The following GALK2 variants were observed in gnomAD, a reference collection of about 807,000 sequenced individuals.
GALK2 encodes N-acetylgalactosamine kinase.
Under a neutral mutation model 52.4 loss-of-function variants are expected in GALK2, and 36 were observed. That is an observed-to-expected ratio of 0.69 (90% CI 0.53 to 0.91). The LOEUF is 0.91. GALK2 is among the 40% of genes least tolerant of loss of function. GALK2 has a pLI of 0.00. For synonymous variants in GALK2, 176 were observed against 199.1 expected (o/e 0.88, Z 0.98); for missense variants, 579 against 559.1 (o/e 1.04, Z -0.36).
chr15:49,256,185 A>T (rs942839773), intron 5 of GALK2, among the ~76,000 whole-genome samples: 1 of 152,116 alleles, frequency 6.6e-6, no homozygotes, highest in Non-Finnish European at 1.5e-5. Context: ...TGTGTCTGTA[A>T]TTATTGTAAT....
intron 7 of GALK2, among the ~76,000 whole-genome samples, chr15:49,285,563 C>T (rs2033254971): frequency 1.3e-5 from 2 of 152,176 alleles, no homozygotes; most frequent in Non-Finnish European, 2.9e-5. Context: ...TCAACTAAGG[C>T]TTTCTTGGTT....
chr15:49,218,507 A>G (rs1365624289), intron 3 of GALK2, among the ~76,000 whole-genome samples: 1 of 152,192 alleles, frequency 6.6e-6, no homozygotes, highest in Non-Finnish European at 1.5e-5. Context: ...TCCCAGGAGC[A>G]GTAGGAAAGA....
At chr15:49,209,822 T>C (rs2088662404) in intron 2 of GALK2, among the ~76,000 whole-genome samples, 1 of 152,218 alleles carries the variant, frequency 6.6e-6, no homozygotes, top group Non-Finnish European at 1.5e-5. Flanking sequence ...TTGTTCAGTT[T>C]TGGTATCAGA....
intron 5 of GALK2, among the ~76,000 whole-genome samples, chr15:49,241,917 C>T (rs1469069991): frequency 6.6e-6 from 1 of 151,954 alleles, no homozygotes; most frequent in East Asian, 1.9e-4. Context: ...TACTGCAGTG[C>T]CTAAGCAAAA....
chr15:49,220,828 A>G (rs980692109), intron 3 of GALK2, among the ~76,000 whole-genome samples: 1 of 152,108 alleles, frequency 6.6e-6, no homozygotes, highest in African/African-American at 2.4e-5. Flanking sequence ...TTTGCTGATG[A>G]TTAGTGATGG....
At chr15:49,231,778 A>G (rs975663085) in intron 3 of GALK2, among the ~76,000 whole-genome samples, 4 of 152,236 alleles carry the variant, frequency 2.6e-5, no homozygotes, top group African/African-American at 7.2e-5. Context: ...AAAGCTCCAA[A>G]TAATCTCCTT....
intron 3 of GALK2, among the ~76,000 whole-genome samples, chr15:49,352,917 G>A (rs1256249621): frequency 1.3e-5 from 2 of 152,132 alleles, no homozygotes; most frequent in African/African-American, 4.8e-5. Flanking sequence ...CTGTTACACT[G>A]GTGTTCTGTC....
At chr15:49,303,962 GTCTT>G (rs1365640829) in intron 8 of GALK2, among the ~76,000 whole-genome samples, 1 of 152,178 alleles carries the variant, frequency 6.6e-6, no homozygotes, top group African/African-American at 2.4e-5. Flanking sequence ...ATGTATCTCT[GTCTT>G]TCAGGAGTGA....
intron 4 of GALK2, among the ~76,000 whole-genome samples, chr15:49,236,527 A>G (rs1374597549): frequency 1.3e-5 from 2 of 152,250 alleles, no homozygotes; most frequent in Non-Finnish European, 2.9e-5. Flanking sequence ...TCCAAGAAAC[A>G]TTGAATAATT....
At chr15:49,347,694 T>C (rs548405184) in intron 3 of GALK2, among the ~76,000 whole-genome samples, 2 of 152,164 alleles carry the variant, frequency 1.3e-5, no homozygotes, top group Non-Finnish European at 2.9e-5. Flanking sequence ...CAGAGAAGTA[T>C]TGATAACCTT....
intron 1 of GALK2, among the ~76,000 whole-genome samples, chr15:49,186,727 C>T (rs1388934792): frequency 2.6e-5 from 4 of 151,870 alleles, no homozygotes; most frequent in African/African-American, 9.7e-5. Flanking sequence ...TTAGTAGAGA[C>T]AGGGTTTCAC....
At chr15:49,282,265 T>G (rs1472406777) in intron 6 of GALK2, among the ~76,000 whole-genome samples, 180 bp downstream of exon 6, 2 of 152,250 alleles carry the variant, frequency 1.3e-5, no homozygotes, top group African/African-American at 4.8e-5. Flanking sequence ...TAATCTACTC[T>G]ATTTCATGTT....
chr15:49,203,709 G>T (rs1208669261), intron 2 of GALK2, among the ~76,000 whole-genome samples: 14 of 152,290 alleles, frequency 9.2e-5, no homozygotes, highest in Non-Finnish European at 1.6e-4. Context: ...TATAAATGGT[G>T]AGATATTGGG....
chr15:49,184,387 T>G (rs973918723), intron 1 of GALK2, among the ~76,000 whole-genome samples: 2 of 152,206 alleles, frequency 1.3e-5, no homozygotes, highest in Non-Finnish European at 2.9e-5. Context: ...TTGTTGCTTG[T>G]AGGCAACAGA....
chr15:49,309,819 A>G (rs1259863784), intron 8 of GALK2, among the ~76,000 whole-genome samples: 2 of 152,086 alleles, frequency 1.3e-5, no homozygotes, highest in African/African-American at 4.8e-5. Context: ...AGGTTTCTCC[A>G]TGTTGGTCAG....
At chr15:49,325,310 C>T (rs1393783694) in intron 9 of GALK2, among the ~76,000 whole-genome samples, 1 of 152,206 alleles carries the variant, frequency 6.6e-6, no homozygotes, top group Non-Finnish European at 1.5e-5. Context: ...TCATCACAAT[C>T]ATCAAAGTGG....
At chr15:49,175,101 G>A (rs1417114904) in intron 1 of GALK2, among the ~76,000 whole-genome samples, 2 of 152,170 alleles carry the variant, frequency 1.3e-5, no homozygotes, top group Non-Finnish European at 2.9e-5. Context: ...CATGCGCAGT[G>A]GGTAAACATA....
chr15:49,229,756 C>A (rs967826264), intron 3 of GALK2, among the ~76,000 whole-genome samples: 1 of 151,994 alleles, frequency 6.6e-6, no homozygotes, highest in Non-Finnish European at 1.5e-5. Flanking sequence ...GGCCCAGCTG[C>A]GGGGGAGAGT....
chr15:49,254,738 G>T (rs953707171), intron 5 of GALK2, among the ~76,000 whole-genome samples: 4 of 143,564 alleles, frequency 2.8e-5, no homozygotes, highest in African/African-American at 1.0e-4. Context: ...TTAATGCAGG[G>T]TGCTTTTATA....
Sources: gnomAD v4.1 joint callset for allele counts (sites outside exome capture counted in the v4.1 genomes callset) on GRCh38, gnomAD v4.1.1 for gene constraint, MANE v1.5 for transcripts, NCBI Gene and HGNC (gene_info 2026-07-23, HGNC 2026-07-21) for gene names.